Variants in TSPAN14 observed in about 807,000 individuals in gnomAD.
TSPAN14 encodes tetraspanin 14, also known as tetraspanin-14.
A neutral mutation model predicts 36.6 loss-of-function variants in TSPAN14; 16 were observed. The ratio of observed to expected loss-of-function variants is 0.44; its 90% CI spans 0.30 to 0.66. The LOEUF is 0.66. Among genes scored for constraint, TSPAN14 ranks in the 30% least tolerant of loss-of-function variants. TSPAN14 has a pLI of 0.12. For missense variants in TSPAN14, 231 were observed against 355.1 expected, an observed-to-expected ratio of 0.65 and a Z score of 2.81; for synonymous variants, 139 against 143.8, an observed-to-expected ratio of 0.97 and a Z score of 0.24.
chr10:80,503,825 C>G (rs1021213955), intron 2 of TSPAN14, among the ~76,000 whole-genome samples: 1 of 152,006 alleles, frequency 6.6e-6, no homozygotes, highest in East Asian at 1.9e-4. Context: ...TGTTATTTAT[C>G]GTGAGATGGT....
chr10:80,458,566 T>A (rs1589228748), intron 1 of TSPAN14, among the ~76,000 whole-genome samples: 1 of 152,166 alleles, frequency 6.6e-6, no homozygotes, highest in African/African-American at 2.4e-5. Context: ...GAGGTGGTGG[T>A]GGTCTCCAGC....
intron 1 of TSPAN14, among the ~76,000 whole-genome samples, chr10:80,461,917 T>C (rs1437977569): frequency 9.4e-6 from 1 of 106,554 alleles, no homozygotes; most frequent in African/African-American, 4.9e-5. Context: ...ATTTGTGCCT[T>C]TTTTTTTTTT....
exon 9 of TSPAN14, chr10:80,520,148 G>A (rs1564753030): frequency 6.0e-6 from 1 of 167,666 alleles, no homozygotes; most frequent in Non-Finnish European, 1.3e-5. Flanking sequence ...CTCTGACCCA[G>A]CCTCCCCTGG....
At chr10:80,487,730 G>T (rs770955592) in intron 1 of TSPAN14, among the ~76,000 whole-genome samples, 10 of 151,696 alleles carry the variant, frequency 6.6e-5, no homozygotes, top group Non-Finnish European at 8.8e-5. Context: ...TCTTGTGATG[G>T]TGGGGCGGTG....
chr10:80,456,955 G>A (rs1382587657), intron 1 of TSPAN14, among the ~76,000 whole-genome samples: 1 of 152,138 alleles, frequency 6.6e-6, no homozygotes, highest in Non-Finnish European at 1.5e-5. Context: ...CCAGCTACTT[G>A]GGAGGCTGAG....
chr10:80,473,647 T>G (rs1846683446), intron 1 of TSPAN14, among the ~76,000 whole-genome samples: 4 of 151,802 alleles, frequency 2.6e-5, no homozygotes, highest in African/African-American at 9.7e-5. Flanking sequence ...AGAGTCAAAC[T>G]TCTTCACTCC....
chr10:80,473,874 G>A (rs369337651), intron 1 of TSPAN14, among the ~76,000 whole-genome samples: 6 of 151,924 alleles, frequency 3.9e-5, no homozygotes, highest in Non-Finnish European at 5.9e-5. Flanking sequence ...AGAGAGAGCC[G>A]AGCCCCTCCT....
At chr10:80,504,488 G>A (rs983565027) in intron 2 of TSPAN14, among the ~76,000 whole-genome samples, 5 of 152,240 alleles carry the variant, frequency 3.3e-5, no homozygotes, top group South Asian at 2.1e-4. Flanking sequence ...GGTGGAGTCC[G>A]CTCTGAGATC....
chr10:80,470,411 A>G (rs930911032), intron 1 of TSPAN14, among the ~76,000 whole-genome samples: 5 of 152,206 alleles, frequency 3.3e-5, no homozygotes, highest in African/African-American at 9.7e-5. Context: ...GGTTGCTTGA[A>G]TCTGAGGATG....
At chr10:80,507,144 T>C in intron 3 of TSPAN14, 84 bp from the exon 4 acceptor site, 1 of 1,543,304 alleles carries the variant, frequency 6.5e-7, no homozygotes, top group South Asian at 1.2e-5. Flanking sequence ...AGTCCCTGTT[T>C]TCAGTACCAC....
intron 1 of TSPAN14, among the ~76,000 whole-genome samples, chr10:80,463,867 A>G (rs1227113435): frequency 6.6e-6 from 1 of 152,244 alleles, no homozygotes; most frequent in Non-Finnish European, 1.5e-5. Flanking sequence ...AGAGCTGGAG[A>G]AACTACTGGG....
At chr10:80,473,042 G>A (rs540794384) in intron 1 of TSPAN14, among the ~76,000 whole-genome samples, 51 of 152,320 alleles carry the variant, frequency 3.3e-4, no homozygotes, top group Middle Eastern at 6.8e-3. Flanking sequence ...CCAGCCACCT[G>A]AAGATAAAAG....
intron 2 of TSPAN14, among the ~76,000 whole-genome samples, chr10:80,496,161 A>G (rs60666917): frequency 0.03 from 4,584 of 152,340 alleles, 225 homozygotes; most frequent in African/African-American, 0.1. Context: ...CGTTAAGTAC[A>G]TTCACATTCA....
At chr10:80,520,962 C>T (rs935193490) in exon 9 of TSPAN14, 3 of 432,630 alleles carry the variant, frequency 6.9e-6, no homozygotes, top group African/African-American at 4.1e-5. Context: ...GGGAATCCCA[C>T]TACCCACAGG....
At chr10:80,476,125 A>T (rs952229510) in intron 1 of TSPAN14, among the ~76,000 whole-genome samples, 28 of 152,154 alleles carry the variant, frequency 1.8e-4, no homozygotes, top group African/African-American at 6.8e-4. Flanking sequence ...TAATACAAGC[A>T]TGTTGGGAGG....
At chr10:80,463,058 T>C (rs924897220) in intron 1 of TSPAN14, 1 of 152,290 alleles carries the variant, frequency 6.6e-6, no homozygotes, top group Admixed American at 6.5e-5. Flanking sequence ...AATCTGTTCT[T>C]GCTCTTCTTA....
intron 1 of TSPAN14, among the ~76,000 whole-genome samples, chr10:80,470,714 T>C (rs1025927451): frequency 5.3e-5 from 8 of 152,202 alleles, no homozygotes; most frequent in African/African-American, 1.9e-4. Context: ...GCAAAGTTTG[T>C]TTCTCCCCAA....
chr10:80,522,529 A>G (rs1184035420), exon 9 of TSPAN14: 1 of 152,158 alleles, frequency 6.6e-6, no homozygotes, highest in East Asian at 1.9e-4. Context: ...TTAAAAAAAA[A>G]CTACTACAAT....
At chr10:80,464,924 A>G (rs865978891) in intron 1 of TSPAN14, among the ~76,000 whole-genome samples, 7 of 152,198 alleles carry the variant, frequency 4.6e-5, no homozygotes, top group Middle Eastern at 3.4e-3. Context: ...CAGTGCAACT[A>G]TTGTTGCTGG....
Sources: allele counts gnomAD v4.1 joint callset (sites outside exome capture counted in the v4.1 genomes callset), GRCh38; gene constraint gnomAD v4.1.1; transcripts MANE v1.5; gene names NCBI Gene and HGNC (gene_info 2026-07-23, HGNC 2026-07-21).